The following GNAQ variants were observed in gnomAD, a reference collection of about 807,000 sequenced individuals.
GNAQ encodes the protein guanine nucleotide-binding protein G(q) subunit alpha.
Under a neutral mutation model 43.9 loss-of-function variants are expected in GNAQ, and 8 were observed. The observed-to-expected ratio is 0.18, with a 90% CI of 0.11 to 0.33. The LOEUF (loss-of-function observed/expected upper bound fraction) is 0.33. GNAQ is among the 10% of genes least tolerant of loss of function. GNAQ has a pLI of 1.00. For synonymous variants in GNAQ, 155 were observed against 170.7 expected, an observed-to-expected ratio of 0.91 and a Z score of 0.71; for missense variants, 158 against 450.8, an observed-to-expected ratio of 0.35 and a Z score of 5.88.
intron 5 of GNAQ, among the ~76,000 whole-genome samples, chr9:77,751,124 A>C (rs1249838014): frequency 6.6e-6 from 1 of 152,204 alleles, no homozygotes; most frequent in African/African-American, 2.4e-5. Flanking sequence ...TTAGCAATTA[A>C]AGGTGATTAC....
At chr9:77,943,795 A>T (rs902861556) in intron 1 of GNAQ, among the ~76,000 whole-genome samples, 1 of 151,322 alleles carries the variant, frequency 6.6e-6, no homozygotes, top group African/African-American at 2.4e-5. Flanking sequence ...TCCCAAGAGT[A>T]GCTGGGATTT....
intron 1 of GNAQ, among the ~76,000 whole-genome samples, chr9:77,957,392 A>C (rs1252557596): frequency 6.6e-6 from 1 of 151,846 alleles, no homozygotes; most frequent in African/African-American, 2.4e-5. Context: ...AAACAAAACA[A>C]ACAAAAAAAC....
At chr9:77,760,562 T>G (rs897241804) in intron 5 of GNAQ, among the ~76,000 whole-genome samples, 5 of 152,118 alleles carry the variant, frequency 3.3e-5, no homozygotes, top group African/African-American at 1.2e-4. Flanking sequence ...CGCTACAACT[T>G]CCACCTCCCA....
At chr9:77,759,633 T>C (rs915901092) in intron 5 of GNAQ, among the ~76,000 whole-genome samples, 14 of 152,124 alleles carry the variant, frequency 9.2e-5, no homozygotes, top group Non-Finnish European at 2.9e-5. Context: ...CTCTCCTCCT[T>C]CAATACGTAA....
intron 4 of GNAQ, among the ~76,000 whole-genome samples, chr9:77,795,564 TTA>T (rs1826644122): frequency 6.6e-6 from 1 of 152,192 alleles, no homozygotes; most frequent in South Asian, 2.1e-4. Context: ...CCTCCTGACA[TTA>T]AACCTAAACA....
At chr9:77,772,912 A>G (rs1049589774) in intron 5 of GNAQ, among the ~76,000 whole-genome samples, 11 of 152,242 alleles carry the variant, frequency 7.2e-5, no homozygotes, top group Non-Finnish European at 1.6e-4. Flanking sequence ...TGAGCTAAAC[A>G]AAAACAAAAA....
intron 2 of GNAQ, among the ~76,000 whole-genome samples, chr9:77,816,214 C>G (rs1042629825): frequency 6.6e-6 from 1 of 152,118 alleles, no homozygotes; most frequent in Admixed American, 6.5e-5. Flanking sequence ...AGCAGAAACT[C>G]AATCAGAATC....
chr9:77,942,308 A>G (rs1829327253), intron 1 of GNAQ, among the ~76,000 whole-genome samples: 1 of 152,190 alleles, frequency 6.6e-6, no homozygotes, highest in Admixed American at 6.5e-5. Flanking sequence ...AATATACAAG[A>G]AAATGTCAGA....
rs939616486 is a variant in GNAQ, at chr9:77,869,327, C to T, written c.321+52834G>A. ...GCCATTTTCATTTCAGTGGAAAAAA[C>T]TAGCCCCAACCTCAGTGCATAAGGA... On this transcript the variant is annotated intron_variant, in intron 2 of 6. Coordinates refer to ENST00000286548, the MANE Select transcript of GNAQ (RefSeq NM_002072.5). Among the ~76,000 whole-genome samples, 8 of 152,270 alleles carry T rather than the reference C, an allele frequency of 5.3e-5. No homozygotes were observed. In the East Asian group the frequency reaches 1.5e-3, roughly 29 times the overall value.
intron 2 of GNAQ, among the ~76,000 whole-genome samples, chr9:77,883,562 G>A (rs1828251294): frequency 6.6e-6 from 1 of 151,518 alleles, no homozygotes. Context: ...ATGGCATACT[G>A]GCGGGGACTG....
intron 1 of GNAQ, among the ~76,000 whole-genome samples, chr9:78,005,266 A>T (rs1450904540): frequency 6.6e-6 from 1 of 152,060 alleles, no homozygotes; most frequent in Non-Finnish European, 1.5e-5. Flanking sequence ...GCTGGTCTTG[A>T]ACTCCTGGGC....
chr9:77,965,879 G>C (rs1456366019), intron 1 of GNAQ, among the ~76,000 whole-genome samples: 1 of 150,018 alleles, frequency 6.7e-6, no homozygotes, highest in Admixed American at 6.6e-5. Context: ...AATAACCTAT[G>C]CATGAATGTT....
Position 78,011,736 on chromosome 9 carries a change from T to C in GNAQ, c.136+19364A>G, listed in dbSNP as rs75096746. 8.5e-3 allele frequency among the ~76,000 whole-genome samples: 1,301 copies of C among 152,262 alleles called. 28 individuals are homozygous for C. The highest frequency in any genetic ancestry group is 0.029 in the African/African-American group (1,189 of 41,536). ...TATTCAAAACAGTGCCAAATCAGCA[T>C]TGCAGACAAGAGATTTGGGCAAACC... On this transcript the variant is annotated intron_variant, in intron 1 of 6. Transcript: ENST00000286548.
intron 1 of GNAQ, among the ~76,000 whole-genome samples, chr9:77,935,900 T>C (rs1829224198): frequency 1.3e-5 from 2 of 152,244 alleles, no homozygotes; most frequent in African/African-American, 4.8e-5. Context: ...CTAAAATAAA[T>C]AAATGCGGGT....
intron 1 of GNAQ, among the ~76,000 whole-genome samples, chr9:77,989,306 CAGTT>C (rs1279333776): frequency 5.9e-5 from 9 of 152,184 alleles, no homozygotes; most frequent in African/African-American, 2.2e-4. Context: ...AGGCCCAAAT[CAGTT>C]AGGGCACCCA....
chr9:77,804,654 G>A (rs887364446), intron 3 of GNAQ, among the ~76,000 whole-genome samples: 8 of 152,186 alleles, frequency 5.3e-5, no homozygotes, highest in African/African-American at 1.9e-4. Context: ...TAGGATAAAT[G>A]AAATCGCATC....
intron 2 of GNAQ, among the ~76,000 whole-genome samples, chr9:77,888,691 C>T (rs931630261): frequency 2.0e-5 from 3 of 152,054 alleles, no homozygotes; most frequent in African/African-American, 4.8e-5. Context: ...TCACGTGGAA[C>T]GCTGGCTGAG....
chr9:77,919,271 A>G (rs1364787107), intron 2 of GNAQ, among the ~76,000 whole-genome samples: 2 of 152,182 alleles, frequency 1.3e-5, no homozygotes, highest in African/African-American at 4.8e-5. Flanking sequence ...CTTACTATGT[A>G]CAAGATATAA....
chr9:77,960,864 C>A (rs1823099358), intron 1 of GNAQ, among the ~76,000 whole-genome samples: 1 of 152,038 alleles, frequency 6.6e-6, no homozygotes, highest in African/African-American at 2.4e-5. Flanking sequence ...TCATGGCTAT[C>A]TTTAAAATGA....
Sources: gnomAD v4.1 joint callset for allele counts (sites outside exome capture counted in the v4.1 genomes callset) on GRCh38, gnomAD v4.1.1 for gene constraint, MANE v1.5 for transcripts, NCBI Gene and HGNC (gene_info 2026-07-23, HGNC 2026-07-21) for gene names.